The following MAGI1 variants were observed in gnomAD, a reference collection of about 807,000 sequenced individuals.
The protein encoded by MAGI1 is membrane associated guanylate kinase, WW and PDZ domain containing 1, also known as membrane-associated guanylate kinase, WW and PDZ domain-containing protein 1.
A neutral mutation model predicts 139.9 loss-of-function variants in MAGI1; 58 were observed. That is an observed-to-expected ratio of 0.41 (90% CI 0.34 to 0.52). The LOEUF (loss-of-function observed/expected upper bound fraction) is 0.52, where lower values mean the gene tolerates loss of function less well. Among genes scored for constraint, MAGI1 ranks in the 20% least tolerant of loss-of-function variants. The probability of loss-of-function intolerance (pLI) is 0.12; values close to 1 mark genes in which losing one functional copy is unlikely to be tolerated. For synonymous variants in MAGI1, 812 were observed against 737.9 expected, an observed-to-expected ratio of 1.10 and a Z score of -1.63; for missense variants, 1,874 against 1,901.6, an observed-to-expected ratio of 0.99 and a Z score of 0.27.
At chr3:65,394,875 A>G (rs1460883599) in intron 13 of MAGI1, among the ~76,000 whole-genome samples, 1 of 152,186 alleles carries the variant, frequency 6.6e-6, no homozygotes, top group Non-Finnish European at 1.5e-5. Flanking sequence ...CTTCTGAACT[A>G]TTTATGACAC....
intron 1 of MAGI1, among the ~76,000 whole-genome samples, chr3:65,825,553 G>C (rs1429087908): frequency 6.7e-6 from 1 of 148,708 alleles, no homozygotes; most frequent in Non-Finnish European, 1.5e-5. Flanking sequence ...CTACTAGTGA[G>C]GCTAAAATGC....
intron 1 of MAGI1, among the ~76,000 whole-genome samples, chr3:65,921,547 TG>T (rs779109053): frequency 1.3e-4 from 20 of 152,080 alleles, no homozygotes; most frequent in Admixed American, 3.3e-4. Flanking sequence ...TGGCTTCAAG[TG>T]ATCCTCCCAC....
At chr3:65,941,110 C>T (rs1207981807) in intron 1 of MAGI1, among the ~76,000 whole-genome samples, 2 of 152,184 alleles carry the variant, frequency 1.3e-5, no homozygotes, top group Non-Finnish European at 1.5e-5. Context: ...CTTTGGGAGG[C>T]TGAGGTGGGC....
At chr3:65,981,113 C>G (rs2065554337) in intron 1 of MAGI1, among the ~76,000 whole-genome samples, 2 of 145,198 alleles carry the variant, frequency 1.4e-5, no homozygotes, top group African/African-American at 5.1e-5. Flanking sequence ...GATCACGCCA[C>G]TGCACTCCAG....
At chr3:65,684,963 C>T (rs2087900371) in intron 1 of MAGI1, among the ~76,000 whole-genome samples, 1 of 149,254 alleles carries the variant, frequency 6.7e-6, no homozygotes, top group Non-Finnish European at 1.5e-5. Flanking sequence ...AGTGATCCAC[C>T]AGCCTCAGCC....
At chr3:65,740,403 G>A (rs779163664) in intron 1 of MAGI1, among the ~76,000 whole-genome samples, 1 of 152,142 alleles carries the variant, frequency 6.6e-6, no homozygotes, top group Admixed American at 6.5e-5. Context: ...TTGTTAATGA[G>A]CTTGCAAAGG....
chr3:66,022,078 T>C (rs1032893870), intron 1 of MAGI1, among the ~76,000 whole-genome samples: 2 of 152,188 alleles, frequency 1.3e-5, no homozygotes, highest in Non-Finnish European at 2.9e-5. Flanking sequence ...TGACTCACCA[T>C]GTTGTATTAA....
intron 1 of MAGI1, chr3:65,844,064 C>G: frequency 2.2e-6 from 1 of 450,842 alleles, no homozygotes; most frequent in South Asian, 1.7e-5. Flanking sequence ...GCAATGTGTG[C>G]CATTCCAAAG....
intron 1 of MAGI1, among the ~76,000 whole-genome samples, chr3:65,986,457 T>A (rs1316776094): frequency 6.6e-6 from 1 of 152,196 alleles, no homozygotes; most frequent in African/African-American, 2.4e-5. Flanking sequence ...AGTATGTAAT[T>A]AAGATAAAGG....
At chr3:65,908,564 G>A (rs541800239) in intron 1 of MAGI1, among the ~76,000 whole-genome samples, 5 of 152,318 alleles carry the variant, frequency 3.3e-5, no homozygotes, top group East Asian at 1.9e-4. Context: ...GATTAGAGGC[G>A]TGAGCCACTG....
intron 1 of MAGI1, among the ~76,000 whole-genome samples, chr3:65,836,143 T>C (rs561012275): frequency 6.6e-6 from 1 of 152,174 alleles, no homozygotes; most frequent in Non-Finnish European, 1.5e-5. Context: ...AGACCAAAGA[T>C]GGAAGGGAGG....
intron 2 of MAGI1, among the ~76,000 whole-genome samples, chr3:65,510,180 T>C (rs2077509752): frequency 6.6e-6 from 1 of 151,988 alleles, no homozygotes; most frequent in Non-Finnish European, 1.5e-5. Flanking sequence ...AGAGCAAAAG[T>C]AGATAAAACC....
intron 1 of MAGI1, among the ~76,000 whole-genome samples, chr3:65,636,875 T>C (rs1411987152): frequency 6.6e-6 from 1 of 152,136 alleles, no homozygotes; most frequent in African/African-American, 2.4e-5. Context: ...GAATTCCAAG[T>C]ACAAAAACAA....
At chr3:65,792,247 T>C (rs907984920) in intron 1 of MAGI1, among the ~76,000 whole-genome samples, 7 of 152,074 alleles carry the variant, frequency 4.6e-5, no homozygotes, top group African/African-American at 1.7e-4. Flanking sequence ...AGAGGATCAT[T>C]TGAGGTCAGG....
At chr3:65,518,016 T>C (rs558449713) in intron 2 of MAGI1, among the ~76,000 whole-genome samples, 1 of 152,336 alleles carries the variant, frequency 6.6e-6, no homozygotes, top group Admixed American at 6.5e-5. Context: ...ACAGTAGCAT[T>C]AGAACAGAGG....
At chr3:66,029,121 C>A (rs2068461059) in intron 1 of MAGI1, among the ~76,000 whole-genome samples, 2 of 152,116 alleles carry the variant, frequency 1.3e-5, no homozygotes, top group Admixed American at 1.3e-4. Flanking sequence ...CCCAGAACAC[C>A]CAGCTCATAA....
chr3:65,363,064 C>A (rs1185576141), intron 21 of MAGI1, among the ~76,000 whole-genome samples: 1 of 152,132 alleles, frequency 6.6e-6, no homozygotes, highest in Non-Finnish European at 1.5e-5. Flanking sequence ...GTAGACCTCA[C>A]TGCCCAGAAT....
chr3:65,588,380 A>G (rs938232321), intron 2 of MAGI1, among the ~76,000 whole-genome samples: 2 of 152,164 alleles, frequency 1.3e-5, no homozygotes, highest in African/African-American at 2.4e-5. Context: ...GGGTGTATTA[A>G]TAACAAAAAG....
intron 1 of MAGI1, among the ~76,000 whole-genome samples, chr3:65,984,014 C>T (rs1344473067): frequency 6.6e-6 from 1 of 152,092 alleles, no homozygotes; most frequent in Non-Finnish European, 1.5e-5. Context: ...TAGTGTAGGC[C>T]GGGCACAATG....
Sources: allele counts gnomAD v4.1 joint callset (sites outside exome capture counted in the v4.1 genomes callset), GRCh38; gene constraint gnomAD v4.1.1; transcripts MANE v1.5; gene names NCBI Gene and HGNC (gene_info 2026-07-23, HGNC 2026-07-21).